CR1L: variants seen among roughly 807,000 people sequenced by gnomAD.
CR1L encodes complement C3b/C4b receptor 1 like.
Under a neutral mutation model 62.3 loss-of-function variants are expected in CR1L, and 59 were observed. The ratio of observed to expected loss-of-function variants is 0.95; its 90% confidence interval spans 0.77 to 1.18. The LOEUF (loss-of-function observed/expected upper bound fraction) is 1.18, where lower values mean the gene tolerates loss of function less well. Ranked by LOEUF, CR1L falls within the 50% of genes most tolerant of loss-of-function variation. CR1L has a pLI of 0.00. For missense variants in CR1L, 700 were observed against 702.8 expected, an observed-to-expected ratio of 1.00 and a Z score of 0.04; for synonymous variants, 279 against 248.7, an observed-to-expected ratio of 1.12 and a Z score of -1.15.
intron 10 of CR1L, chr1:207,710,554 T>A (rs1261275789): frequency 1.9e-6 from 3 of 1,609,638 alleles, no homozygotes; most frequent in Non-Finnish European, 2.5e-6. Flanking sequence ...GCAAAGATGA[T>A]CAAGTGGTCG....
At chr1:207,651,947 C>G (rs1208266874) in intron 1 of CR1L, among the ~76,000 whole-genome samples, 1 of 152,190 alleles carries the variant, frequency 6.6e-6, no homozygotes, top group African/African-American at 2.4e-5. Flanking sequence ...GAAATAAAGT[C>G]TTATATTTTA....
chr1:207,700,587 T>A (rs1420286650), intron 8 of CR1L, among the ~76,000 whole-genome samples: 2 of 152,198 alleles, frequency 1.3e-5, no homozygotes, highest in Non-Finnish European at 2.9e-5. Flanking sequence ...GCAATCTGAA[T>A]CCATTTGGAG....
In CR1L at chr1:207,707,688, TA is replaced by T. The variant is rs1664288904; in HGVS notation, c.1329-487del. ...ATAATTTATTTCAATCCATTTGGTT[TA>T]AACTTCTTGTCAAAAAACCAAGTCT... On this transcript the variant is annotated intron_variant, in intron 9 of 11. Transcript: ENST00000508064. Among the ~76,000 whole-genome samples, 3 of 152,014 alleles carry T rather than the reference TA, an allele frequency of 2.0e-5. 1 individual carries two copies. In the East Asian group the frequency reaches 5.8e-4, roughly 29 times the overall value.
At chr1:207,687,629 A>G (rs1180605257) in intron 4 of CR1L, among the ~76,000 whole-genome samples, 1 of 152,204 alleles carries the variant, frequency 6.6e-6, no homozygotes, top group Non-Finnish European at 1.5e-5. Flanking sequence ...GCTTCTGCTC[A>G]GTGTTATATT....
intron 9 of CR1L, among the ~76,000 whole-genome samples, chr1:207,703,246 G>A (rs963609097): frequency 3.9e-5 from 6 of 152,172 alleles, no homozygotes; most frequent in African/African-American, 1.2e-4. Flanking sequence ...CATAGCTAGA[G>A]AGGAGAAGCC....
chr1:207,706,851 C>T (rs1258121813), intron 9 of CR1L, among the ~76,000 whole-genome samples: 4 of 151,964 alleles, frequency 2.6e-5, no homozygotes, highest in Non-Finnish European at 5.9e-5. Context: ...TAAAAACAAA[C>T]AACAACAACA....
chr1:207,662,593 C>G (rs1663442740), intron 1 of CR1L, among the ~76,000 whole-genome samples: 1 of 152,138 alleles, frequency 6.6e-6, no homozygotes, highest in Non-Finnish European at 1.5e-5. Flanking sequence ...TGGGTTCGAA[C>G]TTCCTCCTTT....
intron 11 of CR1L, 145 bp downstream of exon 11, chr1:207,717,836 A>G (rs1429221759): frequency 9.8e-7 from 1 of 1,021,560 alleles, no homozygotes; most frequent in African/African-American, 1.6e-5. Flanking sequence ...AGTGAATGAC[A>G]AATGGGTTCT....
At position 207,719,719 on chromosome 1, in the gene CR1L, AACACACACAC is replaced by A. The variant is rs143460282; in HGVS notation, c.1642+2037_1642+2046del. Among the ~76,000 whole-genome samples, 23 of 150,304 alleles carry A rather than the reference AACACACACAC, an allele frequency of 1.5e-4. No homozygotes were observed. In the East Asian group the frequency reaches 3.9e-3, roughly 25 times the overall value. Reference sequence around the variant, plus strand: ...GGACAACAAACAAGACTCTGTCTCAAACACACACACACACACACGCACACACACAAGATAG... The same window carrying A: ...GGACAACAAACAAGACTCTGTCTCAAACACACACGCACACACACAAGATAG... On this transcript the variant is annotated intron_variant, in intron 11 of 11. Coordinates refer to ENST00000508064, the MANE Select transcript of CR1L (RefSeq NM_175710.2).
chr1:207,665,868 A>G (rs984512986), intron 1 of CR1L, among the ~76,000 whole-genome samples: 4 of 152,188 alleles, frequency 2.6e-5, no homozygotes, highest in African/African-American at 9.7e-5. Flanking sequence ...GACTTGAGTA[A>G]GACAGTCAGA....
intron 1 of CR1L, among the ~76,000 whole-genome samples, chr1:207,660,672 CT>C (rs1663406127): frequency 6.6e-6 from 1 of 152,144 alleles, no homozygotes; most frequent in Admixed American, 6.5e-5. Context: ...TTAGTTATTT[CT>C]TGCCTTCTGC....
chr1:207,684,067 C>A, intron 4 of CR1L, 110 bp downstream of exon 4: 1 of 962,526 alleles, frequency 1.0e-6, no homozygotes, highest in Non-Finnish European at 1.5e-6. Context: ...CTTCACATGG[C>A]TGAAGACAGC....
intron 4 of CR1L, among the ~76,000 whole-genome samples, chr1:207,689,989 C>T (rs1214072700): frequency 6.6e-6 from 1 of 151,884 alleles, no homozygotes; most frequent in Non-Finnish European, 1.5e-5. Context: ...TTGGTAATAT[C>T]TTTTTGCTTC....
At chr1:207,708,393 T>C (rs1664303945) in intron 10 of CR1L, 130 bp downstream of exon 10, 1 of 1,224,658 alleles carries the variant, frequency 8.2e-7, no homozygotes, top group East Asian at 2.4e-5. Context: ...TCCAGTCATA[T>C]CCTTAAAATG....
At chr1:207,649,034 C>T (rs936258087) in intron 1 of CR1L, among the ~76,000 whole-genome samples, 2 of 152,094 alleles carry the variant, frequency 1.3e-5, no homozygotes, top group Admixed American at 1.3e-4. Context: ...TGAATGGAGT[C>T]GGCCTTGTTA....
At chr1:207,721,797 C>T (rs1367620053) in intron 11 of CR1L, among the ~76,000 whole-genome samples, 2 of 151,098 alleles carry the variant, frequency 1.3e-5, no homozygotes, top group African/African-American at 4.9e-5. Flanking sequence ...AACTAGTTTA[C>T]AGTCCCACCA....
intron 3 of CR1L, among the ~76,000 whole-genome samples, chr1:207,683,014 C>CTG (rs1663828062): frequency 4.9e-5 from 3 of 60,754 alleles, no homozygotes; most frequent in Admixed American, 1.5e-4. Context: ...CTTTCTTTTT[C>CTG]TTTCTTTCTT....
At chr1:207,708,134 A>G in intron 9 of CR1L, 44 bp from the exon 10 acceptor site, 4 of 1,535,566 alleles carry the variant, frequency 2.6e-6, no homozygotes, top group Non-Finnish European at 3.5e-6. Flanking sequence ...CAGGAAGTTG[A>G]TGAGGTATGT....
chr1:207,701,542 G>A lies in CR1L; in HGVS notation c.1252G>A (p.Val418Ile). ...CERKSCETPP[V>I]PVNGMVHVIT... ...AGGTAAATCATGTGAAACTCCTCCA[G>A]TTCCAGTGAATGGCATGGTGCATGT... is the stretch of plus-strand genomic sequence containing the variant. The change falls in exon 9 of 12, where the codon GTT (valine) becomes ATT (isoleucine). Residue 418 changes from valine to isoleucine, a missense_variant. Physicochemically the swap from Val to Ile is conservative, Grantham distance 29. Transcript: ENST00000508064. 1 of 1,613,810 alleles carries A rather than the reference G, an allele frequency of 6.2e-7. No individual in the cohort carries two copies. The highest frequency in any genetic ancestry group is 1.3e-5 in the African/African-American group (1 of 75,028).
Sources: allele counts gnomAD v4.1 joint callset (sites outside exome capture counted in the v4.1 genomes callset), GRCh38; gene constraint gnomAD v4.1.1; transcripts MANE v1.5; gene names NCBI Gene and HGNC (gene_info 2026-07-23, HGNC 2026-07-21).